NAV2: variants seen among roughly 807,000 people sequenced by gnomAD.
NAV2 encodes neuron navigator 2, also known as helicase, APC down-regulated 1.
A neutral mutation model predicts 223.2 loss-of-function variants in NAV2; 54 were observed. The ratio of observed to expected loss-of-function variants is 0.24; its 90% CI spans 0.19 to 0.30. NAV2 has a LOEUF of 0.30. Among genes scored for constraint, NAV2 ranks in the 10% least tolerant of loss-of-function variants. NAV2 has a pLI of 1.00. For synonymous variants in NAV2, 1,279 were observed against 1,239.3 expected (o/e 1.03, Z -0.67); for missense variants, 2,806 against 3,147.5 (o/e 0.89, Z 2.60).
At chr11:19,625,368 C>T (rs2135448173) in intron 1 of NAV2, among the ~76,000 whole-genome samples, 1 of 152,312 alleles carries the variant, frequency 6.6e-6, no homozygotes, top group African/African-American at 2.4e-5. Context: ...ATCCATGTTG[C>T]TATGAATGAC....
chr11:19,620,031 T>G (rs2046935700), intron 1 of NAV2, among the ~76,000 whole-genome samples: 1 of 152,158 alleles, frequency 6.6e-6, no homozygotes, highest in Non-Finnish European at 1.5e-5. Context: ...TTTCCCCATT[T>G]CTTGTTTTTG....
chr11:19,580,332 T>A (rs1418568857), intron 1 of NAV2, among the ~76,000 whole-genome samples: 1 of 147,420 alleles, frequency 6.8e-6, no homozygotes, highest in Admixed American at 6.6e-5. Context: ...ACATTTTTCT[T>A]TCTTTTTTTT....
chr11:19,495,792 GA>G (rs1357245964), intron 1 of NAV2, among the ~76,000 whole-genome samples: 3 of 152,138 alleles, frequency 2.0e-5, no homozygotes, highest in Admixed American at 6.5e-5. Context: ...AAAACTTGTA[GA>G]AAAAAATAAA....
intron 1 of NAV2, among the ~76,000 whole-genome samples, chr11:19,669,663 G>A (rs573013442): frequency 3.7e-4 from 57 of 152,354 alleles, no homozygotes; most frequent in African/African-American, 1.3e-3. Context: ...CTCAGCACTA[G>A]TGAGCCTTTG....
rs546826021 is a variant in NAV2, at chr11:19,389,865, A to G, written c.75+38838A>G. ...AGCTCTTCATGGTGAAGGACTGGCC[A>G]GGTTCCTACATTGCTTCTCAGCTGT... is the stretch of plus-strand genomic sequence containing the variant. On this transcript the variant is annotated intron_variant, in intron 1 of 37. Coordinates refer to the NAV2 transcript ENST00000360655. Among the ~76,000 whole-genome samples, 14 of 152,352 alleles carry G rather than the reference A, an allele frequency of 9.2e-5. No homozygotes were observed. The East Asian group carries it at 2.7e-3, about 29-fold the overall frequency.
intron 3 of NAV2, among the ~76,000 whole-genome samples, chr11:19,860,297 G>A (rs1231661295): frequency 2.3e-5 from 3 of 131,950 alleles, no homozygotes; most frequent in South Asian, 2.6e-4. Context: ...GGGCGGAGGG[G>A]CTCCTCACTT....
chr11:19,894,385 C>T (rs1017698123), intron 6 of NAV2, among the ~76,000 whole-genome samples: 2 of 152,170 alleles, frequency 1.3e-5, no homozygotes, highest in South Asian at 2.1e-4. Flanking sequence ...GGCCTCTCCT[C>T]GCGGGCCAGT....
chr11:20,045,728 A>C (rs528308482), intron 14 of NAV2, 58 bp downstream of exon 14: 2 of 1,396,342 alleles, frequency 1.4e-6, no homozygotes, highest in East Asian at 4.6e-5. Context: ...TGGATTTAGT[A>C]ATTTCCTGTT....
intron 1 of NAV2, among the ~76,000 whole-genome samples, chr11:19,404,538 G>T (rs1467864665): frequency 1.4e-5 from 1 of 72,690 alleles, no homozygotes; most frequent in Non-Finnish European, 3.5e-5. Flanking sequence ...TGCTTTTATA[G>T]ATATAGTTTC....
rs76392760 is a variant in NAV2 at position 19,870,912 on chromosome 11, G to T, written c.511+1915G>T. Among the ~76,000 whole-genome samples, 751 of 152,280 alleles carry T rather than the reference G, an allele frequency of 4.9e-3. 6 individuals carry two copies. The highest frequency in any genetic ancestry group is 0.017 in the African/African-American group (716 of 41,544). On this transcript the variant is annotated intron_variant, in intron 4 of 37. Transcript: ENST00000349880. ...CTAGGTATGCCATATAAAGGTAAAA[G>T]AAATGAGGTTTAAACTCTTTGTCAC...
intron 1 of NAV2, among the ~76,000 whole-genome samples, chr11:19,545,841 A>G (rs1356897309): frequency 1.3e-5 from 2 of 152,134 alleles, no homozygotes; most frequent in East Asian, 1.9e-4. Context: ...TCTTCTTCCA[A>G]TGTGGCCCAG....
At chr11:19,447,123 G>T (rs1428614287) in intron 1 of NAV2, among the ~76,000 whole-genome samples, 1 of 152,204 alleles carries the variant, frequency 6.6e-6, no homozygotes, top group Non-Finnish European at 1.5e-5. Flanking sequence ...TTGCTCAGAG[G>T]CCTGCGGTAA....
intron 1 of NAV2, among the ~76,000 whole-genome samples, chr11:19,815,046 A>C (rs2059024295): frequency 6.6e-6 from 1 of 152,146 alleles, no homozygotes; most frequent in Non-Finnish European, 1.5e-5. Context: ...TTAAACCCGC[A>C]AAGCATTTGC....
chr11:19,959,847 C>T (rs2048201544), intron 10 of NAV2, among the ~76,000 whole-genome samples: 1 of 152,140 alleles, frequency 6.6e-6, no homozygotes, highest in South Asian at 2.1e-4. Context: ...ACTAATCATG[C>T]TTAGCAAGGT....
At chr11:19,708,593 C>T (rs2049748975), upstream of NAV2, among the ~76,000 whole-genome samples, 1 of 152,098 alleles carries the variant, frequency 6.6e-6, no homozygotes, top group African/African-American at 2.4e-5. Context: ...TGGTCACTCA[C>T]AGGTCAGGTC....
chr11:19,413,266 T>A (rs1031703398), intron 1 of NAV2, among the ~76,000 whole-genome samples: 1 of 152,060 alleles, frequency 6.6e-6, no homozygotes, highest in Non-Finnish European at 1.5e-5. Context: ...GTACGAGAAC[T>A]TCGTGAAGCA....
chr11:19,589,626 G>A (rs1364559643), intron 1 of NAV2, among the ~76,000 whole-genome samples: 1 of 152,216 alleles, frequency 6.6e-6, no homozygotes, highest in Non-Finnish European at 1.5e-5. Context: ...TAGACAGCAT[G>A]CAAATGGTGA....
At chr11:19,929,589 TAAC>T (rs2153234402) in intron 6 of NAV2, among the ~76,000 whole-genome samples, 1 of 152,312 alleles carries the variant, frequency 6.6e-6, no homozygotes, top group African/African-American at 2.4e-5. Flanking sequence ...CATGACTTAA[TAAC>T]CAGGGGAGCC....
chr11:19,822,145 C>T (rs532088046), intron 1 of NAV2, among the ~76,000 whole-genome samples: 10 of 152,254 alleles, frequency 6.6e-5, no homozygotes, highest in South Asian at 4.1e-4. Flanking sequence ...GAGCCCTTGC[C>T]GTGTGTCAGG....
Sources: gnomAD v4.1 joint callset for allele counts (sites outside exome capture counted in the v4.1 genomes callset) on GRCh38, gnomAD v4.1.1 for gene constraint, MANE v1.5 for transcripts, NCBI Gene and HGNC (gene_info 2026-07-23, HGNC 2026-07-21) for gene names.